DGKI: variants seen among roughly 807,000 people sequenced by gnomAD.
DGKI encodes the protein diacylglycerol kinase iota, also known as DAG kinase iota.
Under a neutral mutation model 147.5 loss-of-function variants are expected in DGKI, and 55 were observed. The observed-to-expected ratio is 0.37, with a 90% CI of 0.30 to 0.47. DGKI has a LOEUF of 0.47. Among genes scored for constraint, DGKI ranks in the 20% least tolerant of loss-of-function variants. The pLI is 1.00. For synonymous variants in DGKI, 469 were observed against 477.1 expected, an observed-to-expected ratio of 0.98 and a Z score of 0.22; for missense variants, 1,007 against 1,323.8, an observed-to-expected ratio of 0.76 and a Z score of 3.71.
intron 1 of DGKI, among the ~76,000 whole-genome samples, chr7:137,700,560 A>G (rs940215688): frequency 6.6e-6 from 1 of 152,204 alleles, no homozygotes; most frequent in Non-Finnish European, 1.5e-5. Context: ...GCTCTCAGCT[A>G]TATCTTTTAG....
intron 14 of DGKI, among the ~76,000 whole-genome samples, chr7:137,584,925 AAT>A (rs1347965352): frequency 1.3e-5 from 2 of 152,196 alleles, no homozygotes; most frequent in Non-Finnish European, 2.9e-5. Flanking sequence ...TATTAACATG[AAT>A]GATTAAGACA....
At chr7:137,494,742 T>A (rs1375922759) in intron 21 of DGKI, among the ~76,000 whole-genome samples, 1 of 152,106 alleles carries the variant, frequency 6.6e-6, no homozygotes, top group East Asian at 1.9e-4. Context: ...AGACCAGTGA[T>A]ACTATAAAGC....
chr7:137,426,067 C>T (rs560246499), intron 28 of DGKI, among the ~76,000 whole-genome samples: 4 of 152,170 alleles, frequency 2.6e-5, no homozygotes, highest in Non-Finnish European at 4.4e-5. Context: ...AGATACTCCT[C>T]GAGAAGAGCA....
intron 19 of DGKI, among the ~76,000 whole-genome samples, chr7:137,570,673 C>A (rs1020504409): frequency 1.3e-5 from 2 of 151,626 alleles, no homozygotes; most frequent in Middle Eastern, 6.8e-3. Flanking sequence ...CTCACTGCAA[C>A]CTTTGCCTCC....
intron 1 of DGKI, among the ~76,000 whole-genome samples, chr7:137,789,514 T>C (rs1796783372): frequency 6.6e-6 from 1 of 152,186 alleles, no homozygotes; most frequent in South Asian, 2.1e-4. Flanking sequence ...TTATCAAACC[T>C]TTCCATATAA....
chr7:137,494,335 T>C (rs766559904), intron 21 of DGKI, among the ~76,000 whole-genome samples: 3 of 151,812 alleles, frequency 2.0e-5, no homozygotes, highest in Admixed American at 6.6e-5. Context: ...CTGTGAAATA[T>C]TACACAAGAA....
At chr7:137,638,485 TATACACAC>T (rs1432717136) in intron 6 of DGKI, among the ~76,000 whole-genome samples, 1 of 123,400 alleles carries the variant, frequency 8.1e-6, no homozygotes, top group South Asian at 2.5e-4. Context: ...TGTGTATATA[TATACACAC>T]ATATATATGT....
intron 1 of DGKI, among the ~76,000 whole-genome samples, chr7:137,836,192 C>T (rs531787286): frequency 6.6e-6 from 1 of 152,250 alleles, no homozygotes; most frequent in African/African-American, 2.4e-5. Flanking sequence ...TCATAGAAAG[C>T]TTCTGTTTTA....
At chr7:137,773,041 T>C (rs915497224) in intron 1 of DGKI, among the ~76,000 whole-genome samples, 1 of 152,170 alleles carries the variant, frequency 6.6e-6, no homozygotes, top group Non-Finnish European at 1.5e-5. Flanking sequence ...CTTTTTTGCT[T>C]ACTTCTCAGC....
At chr7:137,695,959 A>T (rs1823766482) in intron 1 of DGKI, among the ~76,000 whole-genome samples, 1 of 152,202 alleles carries the variant, frequency 6.6e-6, no homozygotes, top group Non-Finnish European at 1.5e-5. Context: ...TAACTCAGAG[A>T]ATAGTGGAAA....
chr7:137,477,481 CA>C (rs1476346697), intron 23 of DGKI, among the ~76,000 whole-genome samples: 1 of 152,076 alleles, frequency 6.6e-6, no homozygotes, highest in Non-Finnish European at 1.5e-5. Context: ...AAATGCCATC[CA>C]TAGAAACAGC....
intron 6 of DGKI, among the ~76,000 whole-genome samples, chr7:137,636,429 C>T (rs1821314935): frequency 1.3e-5 from 2 of 152,292 alleles, no homozygotes; most frequent in South Asian, 4.1e-4. Context: ...CCTGAAAGAG[C>T]TGCTCTAAAA....
chr7:137,734,322 A>G, intron 1 of DGKI, among the ~76,000 whole-genome samples: 1 of 152,112 alleles, frequency 6.6e-6, no homozygotes, highest in Admixed American at 6.5e-5. Flanking sequence ...TCTCCTTGTG[A>G]ATTCTTTCTC....
intron 21 of DGKI, among the ~76,000 whole-genome samples, chr7:137,517,337 AAGAG>A (rs1278420755): frequency 8.6e-6 from 1 of 116,702 alleles, no homozygotes; most frequent in Admixed American, 9.1e-5. Flanking sequence ...GAAAGAAAGA[AAGAG>A]AAAGAAAGAA....
chr7:137,457,678 G>A (rs1018793733), intron 27 of DGKI, among the ~76,000 whole-genome samples: 16 of 151,936 alleles, frequency 1.1e-4, no homozygotes, highest in African/African-American at 3.9e-4. Flanking sequence ...ATAATTTCTC[G>A]GTTGTCCAAA....
At chr7:137,637,837 T>C (rs1821367875) in intron 6 of DGKI, among the ~76,000 whole-genome samples, 1 of 152,242 alleles carries the variant, frequency 6.6e-6, no homozygotes, top group South Asian at 2.1e-4. Context: ...CTTGAAATCA[T>C]ATTTCATTTC....
At chr7:137,647,310 T>C (rs1284658264) in intron 5 of DGKI, among the ~76,000 whole-genome samples, 1 of 146,364 alleles carries the variant, frequency 6.8e-6, no homozygotes, top group Non-Finnish European at 1.5e-5. Flanking sequence ...GCCCCTACCA[T>C]CTCTCTGACT....
intron 6 of DGKI, among the ~76,000 whole-genome samples, chr7:137,644,003 C>T (rs1392234745): frequency 2.0e-5 from 3 of 152,096 alleles, no homozygotes; most frequent in Non-Finnish European, 4.4e-5. Context: ...TACTGTTACC[C>T]TCACATGCAT....
At chr7:137,647,253 T>C (rs553753207) in intron 5 of DGKI, among the ~76,000 whole-genome samples, 27 of 152,240 alleles carry the variant, frequency 1.8e-4, no homozygotes, top group African/African-American at 6.0e-4. Context: ...ATCCTATGAG[T>C]TGTTGAAATA....
Sources: allele counts gnomAD v4.1 joint callset (sites outside exome capture counted in the v4.1 genomes callset), GRCh38; gene constraint gnomAD v4.1.1; transcripts MANE v1.5; gene names NCBI Gene and HGNC (gene_info 2026-07-23, HGNC 2026-07-21).